Variants in DGKK observed in about 807,000 individuals in gnomAD.
The protein encoded by DGKK is diacylglycerol kinase kappa.
Under a neutral mutation model 92.2 loss-of-function variants are expected in DGKK, and 35 were observed. The observed-to-expected ratio is 0.38, with a 90% CI of 0.29 to 0.50. The LOEUF (loss-of-function observed/expected upper bound fraction) is 0.50, where lower values mean the gene tolerates loss of function less well. Ranked by LOEUF, DGKK falls within the 20% of genes least tolerant of loss-of-function variation. DGKK has a pLI of 0.92. For missense variants in DGKK, 910 were observed against 992.2 expected (o/e 0.92, Z 1.11); for synonymous variants, 368 against 360.6 (o/e 1.02, Z -0.23).
At chrX:50,453,882 T>A (rs1035650589) in intron 1 of DGKK, among the ~76,000 whole-genome samples, 1 of 109,744 alleles carries the variant, frequency 9.1e-6, no homozygotes, top group Non-Finnish European at 1.9e-5. Context: ...AGTTGCAGAG[T>A]GGAGAGAAAA....
chrX:50,435,175 G>A (rs12012125), intron 1 of DGKK, among the ~76,000 whole-genome samples: 3 of 112,378 alleles, frequency 2.7e-5, no homozygotes, highest in African/African-American at 9.7e-5. Flanking sequence ...GTCCATCATC[G>A]ACTGAGACAT....
chrX:50,446,510 A>G (rs1182732759), intron 1 of DGKK, among the ~76,000 whole-genome samples: 1 of 111,195 alleles, frequency 9.0e-6, no homozygotes, highest in Non-Finnish European at 1.9e-5. Flanking sequence ...CTTATTTGCT[A>G]TTGTATATCT....
rs868937920 is a variant in DGKK at position 50,384,252 on chromosome X, C to T, written c.2465G>A (p.Gly822Asp). ...GAGAGAAGATATAGAAGACAAAGTGCCACGACGAGAACCTAGACACAAAAG... is the reference window on the plus strand; with the variant it reads ...GAGAGAAGATATAGAAGACAAAGTGTCACGACGAGAACCTAGACACAAAAG... Reference protein sequence around the residue: ...QTSPRRRSRRGTLSSISSLKS... With the variant: ...QTSPRRRSRRDTLSSISSLKS... The change falls in exon 17 of 28, where the codon GGC (glycine) becomes GAC (aspartate). Residue 822 changes from glycine (G) to aspartate (D), a missense_variant. Physicochemically the swap from Gly to Asp is moderately conservative, Grantham distance 94. Coordinates refer to ENST00000611977, the MANE Select transcript of DGKK (RefSeq NM_001013742.4). The T allele has an allele frequency of 1.0e-5, 12 of 1,164,336 alleles. No individual in the cohort carries two copies. Among genetic ancestry groups the T allele is most frequent in the Non-Finnish European group, 1.3e-5 (11 of 868,241 alleles).
intron 9 of DGKK, 141 bp downstream of exon 9, chrX:50,393,011 T>C (rs1924740391): frequency 2.0e-6 from 1 of 500,542 alleles, no homozygotes; most frequent in Non-Finnish European, 3.2e-6. Context: ...TCTGGAGTTA[T>C]GTGCTTGTGT....
chrX:50,377,875 C>CTGTT (rs1557224003), intron 22 of DGKK, among the ~76,000 whole-genome samples: 1 of 111,270 alleles, frequency 9.0e-6, no homozygotes, highest in Non-Finnish European at 1.9e-5. Context: ...CTTGAGGAGC[C>CTGTT]TGTTTGCAAA....
chrX:50,408,468 T>C (rs1187478762), intron 4 of DGKK, among the ~76,000 whole-genome samples: 1 of 111,451 alleles, frequency 9.0e-6, no homozygotes, highest in African/African-American at 3.3e-5. Context: ...AAGCTCCGCC[T>C]CCCGGGTTCA....
chrX:50,370,177 G>A (rs1322551270), intron 27 of DGKK, among the ~76,000 whole-genome samples: 1 of 111,986 alleles, frequency 8.9e-6, no homozygotes, highest in Non-Finnish European at 1.9e-5. Context: ...ATCACCGCCT[G>A]TTTGCATTTT....
At chrX:50,389,320 C>T (rs1924627206) in intron 12 of DGKK, among the ~76,000 whole-genome samples, 1 of 112,316 alleles carries the variant, frequency 8.9e-6, no homozygotes, top group Admixed American at 9.4e-5. Flanking sequence ...TCCACTGCTA[C>T]TCATCCCTGC....
In DGKK at chrX:50,375,943, C is replaced by T. The variant is rs1207908915; in HGVS notation, c.3414+81G>A. On this transcript the variant is annotated intron_variant, in intron 24 of 27. Coordinates refer to ENST00000611977, the MANE Select transcript of DGKK (RefSeq NM_001013742.4). The stretch of plus-strand genomic sequence containing the variant: ...ATATTTGCCCAGTTTCTCCGTCCAG[C>T]CTCCGGCTCCACTTCTTTCCCTTTC... 8.2e-6 allele frequency: 9 copies of T among 1,098,290 alleles called. No homozygotes were observed. In the African/African-American group the frequency reaches 1.6e-4, roughly 20 times the overall value. 90.5% of individuals were successfully genotyped at this position (1,098,290 alleles called of 1,213,427 possible). A position where few individuals can be genotyped will look rare whatever the true frequency, so the allele number is the denominator to read the frequency against.
intron 1 of DGKK, among the ~76,000 whole-genome samples, chrX:50,443,091 T>C (rs1926206397): frequency 9.0e-6 from 1 of 111,700 alleles, no homozygotes. Flanking sequence ...GAGTAACATC[T>C]CATAACTTTT....
chrX:50,413,353 A>G (rs1925350094), intron 4 of DGKK, among the ~76,000 whole-genome samples: 1 of 112,320 alleles, frequency 8.9e-6, no homozygotes, highest in African/African-American at 3.2e-5. Flanking sequence ...GCAAAACTGG[A>G]CAAATGAGAT....
chrX:50,371,597 C>A, intron 26 of DGKK, 127 bp downstream of exon 26: 1 of 467,874 alleles, frequency 2.1e-6, no homozygotes, highest in South Asian at 3.5e-5. Context: ...GCTCCAGTAA[C>A]CTTCAGTTTA....
In DGKK at chrX:50,376,685, T is replaced by C. The variant is rs1472862197; in HGVS notation, c.3272+73A>G. 9 of 1,024,986 alleles carry C rather than the reference T, an allele frequency of 8.8e-6. No homozygotes were observed. In the Admixed American group the frequency reaches 2.5e-4, roughly 29 times the overall value. 84.5% of individuals were successfully genotyped at this position (1,024,986 alleles called of 1,213,427 possible). On this transcript the variant is annotated intron_variant, in intron 23 of 27. Coordinates refer to ENST00000611977, the MANE Select transcript of DGKK (RefSeq NM_001013742.4). ...TGAGGCCAGGCTCCCTAGTAGCCAA[T>C]AGACACAAATTGGCTTCTTCTCCCT...
intron 1 of DGKK, among the ~76,000 whole-genome samples, chrX:50,444,682 C>T (rs1224386523): frequency 8.9e-6 from 1 of 111,925 alleles, no homozygotes; most frequent in African/African-American, 3.2e-5. Context: ...TTTTCTTTAT[C>T]CAATCTGTCA....
intron 4 of DGKK, among the ~76,000 whole-genome samples, chrX:50,407,100 A>G (rs1057473202): frequency 8.9e-6 from 1 of 112,168 alleles, no homozygotes; most frequent in African/African-American, 3.2e-5. Flanking sequence ...AAGGTAGCAG[A>G]GAACATGGCT....
rs782801964 is a variant in DGKK, at chrX:50,420,464, C to T, written c.881G>A (p.Arg294Gln). Residue 294 changes from arginine to glutamine, a missense_variant, in exon 4 of 28, where the codon CGG (arginine) becomes CAG (glutamine). Coordinates refer to ENST00000611977, the MANE Select transcript of DGKK (RefSeq NM_001013742.4). ...QRKITLAAPNRKDMEEWINII... is the reference protein window; with the variant it reads ...QRKITLAAPNQKDMEEWINII... ...GTTAATCCATTCTTCCATGTCTTTC[C>T]GGTTGGGTGCAGCCAGAGTGATTTT... 35 of 1,210,281 alleles carry T rather than the reference C, an allele frequency of 2.9e-5. No homozygotes were observed. Among genetic ancestry groups the T allele is most frequent in the South Asian group, 5.3e-5 (3 of 56,854 alleles).
chrX:50,429,529 CA>C (rs782423706), intron 1 of DGKK, among the ~76,000 whole-genome samples: 8 of 107,858 alleles, frequency 7.4e-5, no homozygotes, highest in Admixed American at 4.9e-4. Flanking sequence ...ACTAAAAATA[CA>C]AAAAAAAAAT....
rs1923948806 is a variant in DGKK, at chrX:50,365,422, T to A, written c.*3518A>T. On this transcript the variant is annotated 3_prime_UTR_variant, in exon 28 of 28. Coordinates refer to ENST00000611977, the MANE Select transcript of DGKK (RefSeq NM_001013742.4). ...GCACGGCATTGATTATGTTTATCCA[T>A]TTATTAAAATATTTAAAGAAGCAAT... is the stretch of plus-strand genomic sequence containing the variant. The A allele has an allele frequency of 9.0e-6, 1 of 111,658 alleles. No individual in the cohort carries two copies. Among genetic ancestry groups the A allele is most frequent in the Admixed American group, 9.5e-5 (1 of 10,517 alleles). The allele number at this position is 111,658 out of a possible 1,213,427, so 9.2% of individuals were successfully genotyped here. A position where few individuals can be genotyped will look rare whatever the true frequency, so the allele number is the denominator to read the frequency against.
At position 50,401,038 on chromosome X, in the gene DGKK, A is replaced by C. The variant is rs1924989972; in HGVS notation, c.1410T>G (p.Asp470Glu). 8.4e-7 allele frequency: 1 copy of C among 1,192,456 alleles called. No homozygotes were observed. The highest frequency in any genetic ancestry group is 1.1e-6 in the Non-Finnish European group (1 of 885,813). ...TGAGGTTAAGATTTAACTACTCACC[A>C]TCGCCTTTGGGGTCGCTTAGAGCAG... ...PPTALSDPKGDGQLVVSSDFW... is the reference protein window; with the variant it reads ...PPTALSDPKGEGQLVVSSDFW... Residue 470 changes from aspartate (D) to glutamate (E), a missense_variant and splice_region_variant, in exon 8 of 28, where the codon GAT (aspartate) becomes GAG (glutamate). Coordinates refer to ENST00000611977, the MANE Select transcript of DGKK (RefSeq NM_001013742.4).
Sources: allele counts gnomAD v4.1 joint callset (sites outside exome capture counted in the v4.1 genomes callset), GRCh38; gene constraint gnomAD v4.1.1; transcripts MANE v1.5; gene names NCBI Gene and HGNC (gene_info 2026-07-23, HGNC 2026-07-21).